The following RABGAP1L variants were observed in gnomAD, a reference collection of about 807,000 sequenced individuals.
RABGAP1L encodes RAB GTPase activating protein 1 like.
A neutral mutation model predicts 137.7 loss-of-function variants in RABGAP1L; 63 were observed. The observed-to-expected ratio is 0.46, with a 90% CI of 0.37 to 0.56. The LOEUF (loss-of-function observed/expected upper bound fraction) is 0.56. Among genes scored for constraint, RABGAP1L ranks in the 20% least tolerant of loss-of-function variants. The probability of loss-of-function intolerance (pLI) is 0.00; values close to 1 mark genes in which losing one functional copy is unlikely to be tolerated. For synonymous variants in RABGAP1L, 431 were observed against 433.7 expected (o/e 0.99, Z 0.08); for missense variants, 1,095 against 1,244.0 (o/e 0.88, Z 1.80).
At chr1:174,896,799 ATC>A (rs1657274531) in intron 19 of RABGAP1L, among the ~76,000 whole-genome samples, 1 of 152,006 alleles carries the variant, frequency 6.6e-6, no homozygotes. Flanking sequence ...ATTGGTCTAT[ATC>A]TCTGTTTTGG....
chr1:174,892,463 C>CT, intron 19 of RABGAP1L: 3 of 450,642 alleles, frequency 6.7e-6, no homozygotes. Flanking sequence ...TTTGTGCCAG[C>CT]TTTTTCACCT....
At chr1:174,361,559 CT>C (rs1571405150) in intron 11 of RABGAP1L, among the ~76,000 whole-genome samples, 3 of 152,018 alleles carry the variant, frequency 2.0e-5, no homozygotes. Context: ...AATGGGATTA[CT>C]TTTTTGATTT....
intron 14 of RABGAP1L, among the ~76,000 whole-genome samples, chr1:174,637,950 A>T (rs1343076719): frequency 6.6e-6 from 1 of 152,194 alleles, no homozygotes; most frequent in Non-Finnish European, 1.5e-5. Flanking sequence ...CGGTTTTTAT[A>T]TCCCATTTTG....
intron 14 of RABGAP1L, among the ~76,000 whole-genome samples, chr1:174,660,326 G>T (rs943934676): frequency 6.6e-6 from 1 of 152,118 alleles, no homozygotes; most frequent in African/African-American, 2.4e-5. Flanking sequence ...GAGGGCTCCT[G>T]TTCTTCATGT....
chr1:174,405,834 T>C (rs1352287632), intron 13 of RABGAP1L, among the ~76,000 whole-genome samples: 7 of 151,774 alleles, frequency 4.6e-5, no homozygotes. Flanking sequence ...AAAAATTAAC[T>C]GGGTGTGGCG....
intron 13 of RABGAP1L, among the ~76,000 whole-genome samples, chr1:174,602,955 C>T (rs1029638999): frequency 1.1e-4 from 16 of 152,056 alleles, no homozygotes; most frequent in Non-Finnish European, 1.6e-4. Flanking sequence ...TGGTGCCTTA[C>T]TTAGTTCATT....
chr1:174,853,084 G>T (rs1453900173), intron 19 of RABGAP1L, among the ~76,000 whole-genome samples: 2 of 151,996 alleles, frequency 1.3e-5, no homozygotes, highest in Non-Finnish European at 2.9e-5. Flanking sequence ...GTGGATTGAG[G>T]CATTTAGAGT....
At position 174,643,398 on chromosome 1, in the gene RABGAP1L, A is replaced by G. The variant is rs377701119; in HGVS notation, c.1824+5910A>G. Among the ~76,000 whole-genome samples, 13 of 152,320 alleles carry G rather than the reference A, an allele frequency of 8.5e-5. 2 individuals are homozygous for G. The highest frequency in any genetic ancestry group is 3.1e-4 in the African/African-American group (13 of 41,552). On this transcript the variant is annotated intron_variant, in intron 14 of 25. Coordinates refer to ENST00000681986, the MANE Select transcript of RABGAP1L (RefSeq NM_001366446.1). ...ATGCAGATCCAAATATGGGCTGCCA[A>G]GAAATCCTTTGAACCCCTGGGGCCA... is the stretch of plus-strand genomic sequence containing the variant.
chr1:174,908,514 ATAAG>A (rs1659488877), intron 19 of RABGAP1L, among the ~76,000 whole-genome samples: 2 of 151,368 alleles, frequency 1.3e-5, no homozygotes, highest in African/African-American at 4.8e-5. Context: ...AACACATTAA[ATAAG>A]TAAGTTAAAC....
intron 13 of RABGAP1L, among the ~76,000 whole-genome samples, chr1:174,439,229 A>G (rs1653849056): frequency 6.6e-6 from 1 of 152,166 alleles, no homozygotes; most frequent in African/African-American, 2.4e-5. Flanking sequence ...AAGTGTCTTT[A>G]TCAGGTTGAG....
At chr1:174,449,119 C>T in intron 13 of RABGAP1L, 1 of 1,613,432 alleles carries the variant, frequency 6.2e-7, no homozygotes, top group Non-Finnish European at 8.5e-7. Flanking sequence ...AGACAATGTG[C>T]ACATCCTGTA....
intron 13 of RABGAP1L, among the ~76,000 whole-genome samples, chr1:174,522,122 C>T (rs1352714221): frequency 2.6e-5 from 4 of 151,990 alleles, no homozygotes; most frequent in Non-Finnish European, 5.9e-5. Flanking sequence ...TCCCATCCTC[C>T]TCATACAGCT....
Position 174,398,409 on chromosome 1 carries a change from A to G in RABGAP1L, c.1710+4264A>G, listed in dbSNP as rs538898058. 1.0e-3 allele frequency among the ~76,000 whole-genome samples: 152 copies of G among 152,206 alleles called. No individual in the cohort carries two copies. In the South Asian group the frequency reaches 0.022, roughly 22 times the overall value. On this transcript the variant is annotated intron_variant, in intron 13 of 25. Transcript: ENST00000681986. ...CTTTGTGGCTTGGCCAGCCTACGTC[A>G]TGAGTCTTCTTCTTAGTGTAAACTA...
intron 24 of RABGAP1L, among the ~76,000 whole-genome samples, chr1:174,986,959 A>T (rs960326783): frequency 3.9e-5 from 6 of 152,256 alleles, no homozygotes; most frequent in African/African-American, 1.2e-4. Context: ...ATACACAACA[A>T]ATATTTACAA....
At chr1:174,979,505 C>T (rs960484620) in intron 23 of RABGAP1L, among the ~76,000 whole-genome samples, 1 of 152,160 alleles carries the variant, frequency 6.6e-6, no homozygotes, top group Non-Finnish European at 1.5e-5. Context: ...AGCTAATTTC[C>T]AGTAGATCAC....
Position 174,765,956 on chromosome 1 carries a change from T to G in RABGAP1L, c.2211+13602T>G, listed in dbSNP as rs975123074. Among the ~76,000 whole-genome samples the G allele has an allele frequency of 1.1e-4, 17 of 152,190 alleles. 1 individual carries two copies. Among genetic ancestry groups the G allele is most frequent in the Admixed American group, 8.5e-4 (13 of 15,280 alleles). ...CCCCCTACCCCCAAAATTCATATGT[T>G]GAAGTCGTAACCCCTAGTTACTCAG... On this transcript the variant is annotated intron_variant, in intron 18 of 25. Coordinates refer to ENST00000681986, the MANE Select transcript of RABGAP1L (RefSeq NM_001366446.1).
intron 19 of RABGAP1L, among the ~76,000 whole-genome samples, chr1:174,902,733 G>A (rs990387002): frequency 7.9e-5 from 12 of 152,192 alleles, no homozygotes; most frequent in African/African-American, 2.9e-4. Flanking sequence ...GCTGGGGGTG[G>A]AGTTTCTTTT....
At chr1:174,711,597 C>T (rs115617996) in intron 17 of RABGAP1L, among the ~76,000 whole-genome samples, 21,912 of 152,154 alleles carry the variant, frequency 0.14, 5,277 homozygotes, top group African/African-American at 0.5. Context: ...ACCCGCACCA[C>T]GCTCGAATTC....
intron 5 of RABGAP1L, among the ~76,000 whole-genome samples, chr1:174,242,373 C>CTT (rs1418267440): frequency 2.6e-5 from 4 of 152,164 alleles, no homozygotes; most frequent in Non-Finnish European, 5.9e-5. Flanking sequence ...CTGTTAGACA[C>CTT]TTAGTACTTA....
Sources: gnomAD v4.1 joint callset for allele counts (sites outside exome capture counted in the v4.1 genomes callset) on GRCh38, gnomAD v4.1.1 for gene constraint, MANE v1.5 for transcripts, NCBI Gene and HGNC (gene_info 2026-07-23, HGNC 2026-07-21) for gene names.